UQCC1: variants seen among roughly 807,000 people sequenced by gnomAD.
The protein encoded by UQCC1 is ubiquinol-cytochrome c reductase complex assembly factor 1.
A neutral mutation model predicts 48.0 loss-of-function variants in UQCC1; 38 were observed. The ratio of observed to expected loss-of-function variants is 0.79; its 90% CI spans 0.61 to 1.04. UQCC1 has a LOEUF of 1.04. Among genes scored for constraint, UQCC1 ranks in the 50% least tolerant of loss-of-function variants. UQCC1 has a pLI of 0.00. For synonymous variants in UQCC1, 111 were observed against 129.2 expected (o/e 0.86, Z 0.95); for missense variants, 368 against 381.8 (o/e 0.96, Z 0.30).
At chr20:35,404,327 A>G (rs192025609) in intron 1 of UQCC1, among the ~76,000 whole-genome samples, 3,164 of 145,350 alleles carry the variant, frequency 0.022, 111 homozygotes, top group African/African-American at 0.076. Flanking sequence ...CCGAGATTGC[A>G]CCACTGCACT....
At chr20:35,317,157 C>T (rs1044789631) in intron 7 of UQCC1, among the ~76,000 whole-genome samples, 4 of 151,756 alleles carry the variant, frequency 2.6e-5, no homozygotes, top group Admixed American at 6.6e-5. Flanking sequence ...AGGCTGGTCT[C>T]GAACTCCTGA....
chr20:35,306,527 AGCGTCTAGT>A, intron 9 of UQCC1, 130 bp downstream of exon 9: 1 of 646,282 alleles, frequency 1.5e-6, no homozygotes, highest in Non-Finnish European at 2.7e-6. Flanking sequence ...CTCCTTCTTC[AGCGTCTAGT>A]GCTGATGTGA....
At chr20:35,313,688 A>G (rs1045463196) in intron 8 of UQCC1, among the ~76,000 whole-genome samples, 1 of 152,120 alleles carries the variant, frequency 6.6e-6, no homozygotes, top group Admixed American at 6.5e-5. Flanking sequence ...ATCTCAGCTC[A>G]CTGCAGTCTC....
Position 35,355,536 on chromosome 20 carries a change from G to A in UQCC1, c.465-8264C>T, listed in dbSNP as rs2061537317. Among the ~76,000 whole-genome samples the A allele has an allele frequency of 3.3e-5, 5 of 152,222 alleles. No homozygotes were observed. The South Asian group carries it at 1.0e-3, about 32-fold the overall frequency. On this transcript the variant is annotated intron_variant, in intron 6 of 9. Coordinates refer to ENST00000374385, the MANE Select transcript of UQCC1 (RefSeq NM_018244.5). Reference sequence around the variant, plus strand: ...TCTTCAAGGGAAAAGCAGAGCTGAAGGCTGGGCCAAAATCTTAAGAAGTCA... The same window carrying A: ...TCTTCAAGGGAAAAGCAGAGCTGAAAGCTGGGCCAAAATCTTAAGAAGTCA...
chr20:35,403,324 T>C (rs555637800), intron 1 of UQCC1, among the ~76,000 whole-genome samples: 1 of 152,204 alleles, frequency 6.6e-6, no homozygotes, highest in East Asian at 1.9e-4. Context: ...GAAAAAGATA[T>C]ATGCATGTTT....
intron 7 of UQCC1, chr20:35,346,817 A>G (rs139702404): frequency 1.1e-5 from 7 of 627,230 alleles, no homozygotes; most frequent in Non-Finnish European, 1.9e-5. Context: ...TGGTTCAAAT[A>G]TTGAACTGGT....
At chr20:35,357,683 A>AAAG (rs1555808691) in intron 6 of UQCC1, among the ~76,000 whole-genome samples, 1 of 151,408 alleles carries the variant, frequency 6.6e-6, no homozygotes, top group African/African-American at 2.4e-5. Flanking sequence ...AAAAAAAAAA[A>AAAG]AAAAAGAAAG....
chr20:35,405,000 A>C (rs1187414721), intron 1 of UQCC1, among the ~76,000 whole-genome samples: 1 of 152,206 alleles, frequency 6.6e-6, no homozygotes, highest in Non-Finnish European at 1.5e-5. Context: ...AGGTCTGTGC[A>C]TATACCCAAA....
intron 1 of UQCC1, among the ~76,000 whole-genome samples, chr20:35,397,200 C>CA (rs1390856627): frequency 1.3e-3 from 126 of 100,030 alleles, no homozygotes; most frequent in African/African-American, 3.9e-3. Flanking sequence ...GACTCTGTCT[C>CA]AAAAAAAAAA....
chr20:35,384,226 C>A (rs759866328), intron 2 of UQCC1, 93 bp from the exon 3 acceptor site: 108 of 1,149,058 alleles, frequency 9.4e-5, no homozygotes, highest in Non-Finnish European at 1.3e-4. Flanking sequence ...TAGGATCTTT[C>A]CAACCTTACT....
chr20:35,321,292 G>A (rs11905880), intron 7 of UQCC1, among the ~76,000 whole-genome samples: 195 of 150,710 alleles, frequency 1.3e-3, no homozygotes, highest in East Asian at 9.5e-3. Flanking sequence ...GTGCGCGCGC[G>A]CGCGCGCACG....
At position 35,411,919 on chromosome 20, in the gene UQCC1, G is replaced by A. The variant is rs1045630147; in HGVS notation, c.24+21C>T. 3 of 1,614,052 alleles carry A rather than the reference G, an allele frequency of 1.9e-6. No individual in the cohort carries two copies. The African/African-American group carries it at 4.0e-5, about 22-fold the overall frequency. On this transcript the variant is annotated intron_variant, in intron 1 of 9. Coordinates refer to ENST00000374385, the MANE Select transcript of UQCC1 (RefSeq NM_018244.5). ...ACCCGGGACCCAGAGAGCTACCGTA[G>A]AAAATTACTCCTTCACTCACAAGGA...
chr20:35,335,977 G>A (rs1449596176), intron 7 of UQCC1, among the ~76,000 whole-genome samples: 1 of 152,154 alleles, frequency 6.6e-6, no homozygotes, highest in Non-Finnish European at 1.5e-5. Flanking sequence ...CAAGATCAGT[G>A]TGGGCAGCAC....
In UQCC1 at chr20:35,347,253, T is replaced by A. The variant is rs1568672068; in HGVS notation, c.484A>T (p.Lys162Ter). 6.2e-7 allele frequency: 1 copy of A among 1,614,150 alleles called. No individual in the cohort carries two copies. Among genetic ancestry groups the A allele is most frequent in the Non-Finnish European group, 8.5e-7 (1 of 1,180,024 alleles). ...LHVWMCLVRM[K>*]QEGRSGKYMC... ...TACTTCCCACTCCGGCCTTCCTGCT[T>A]CATTCGGACTAGACACATCCTGGGT... The change falls in exon 7 of 10, where the codon AAG (lysine) becomes TAG (stop). Residue 162 changes from lysine (K) to a stop codon, truncating the protein, a stop_gained. Coordinates refer to ENST00000374385, the MANE Select transcript of UQCC1 (RefSeq NM_018244.5). LOFTEE classifies it high-confidence loss of function.
intron 7 of UQCC1, among the ~76,000 whole-genome samples, chr20:35,331,025 GAGA>G (rs954462574): frequency 1.3e-5 from 2 of 152,126 alleles, no homozygotes; most frequent in African/African-American, 4.8e-5. Context: ...GTCTTTGAAG[GAGA>G]AGGAGTATAG....
intron 7 of UQCC1, among the ~76,000 whole-genome samples, chr20:35,329,749 A>G (rs1168473953): frequency 1.3e-5 from 2 of 152,210 alleles, no homozygotes; most frequent in East Asian, 3.8e-4. Flanking sequence ...TACCCAATGC[A>G]GGGGTTAAGC....
intron 5 of UQCC1, among the ~76,000 whole-genome samples, chr20:35,367,428 G>A (rs1600956776): frequency 2.0e-5 from 3 of 152,018 alleles, no homozygotes; most frequent in African/African-American, 2.4e-5. Context: ...TACCCAATGT[G>A]CTATGGATAT....
intron 7 of UQCC1, among the ~76,000 whole-genome samples, chr20:35,338,009 A>G (rs1190129397): frequency 6.6e-6 from 1 of 151,234 alleles, no homozygotes; most frequent in East Asian, 1.9e-4. Flanking sequence ...CACGGTGTTC[A>G]GTCTCGGTGT....
At chr20:35,316,210 C>T (rs1173809922) in intron 7 of UQCC1, among the ~76,000 whole-genome samples, 2 of 152,310 alleles carry the variant, frequency 1.3e-5, no homozygotes, top group East Asian at 3.9e-4. Context: ...ATGTGGAGAA[C>T]AAGATTTGTG....
Sources: gnomAD v4.1 joint callset for allele counts (sites outside exome capture counted in the v4.1 genomes callset) on GRCh38, gnomAD v4.1.1 for gene constraint, MANE v1.5 for transcripts, NCBI Gene and HGNC (gene_info 2026-07-23, HGNC 2026-07-21) for gene names.